The following ZNF76 variants were observed in gnomAD, a reference collection of about 807,000 sequenced individuals.
The protein encoded by ZNF76 is zinc finger protein 523.
ZNF76 carries 66 observed loss-of-function variants against 66.9 expected under a neutral mutation model. That is an observed-to-expected ratio of 0.99 (90% CI 0.81 to 1.21). The LOEUF (loss-of-function observed/expected upper bound fraction) is 1.21. Among genes scored for constraint, ZNF76 ranks in the 50% most tolerant of loss-of-function variants. The pLI is 0.00. For missense variants in ZNF76, 729 were observed against 760.3 expected (o/e 0.96, Z 0.48); for synonymous variants, 275 against 296.1 (o/e 0.93, Z 0.73).
intron 1 of ZNF76, among the ~76,000 whole-genome samples, chr6:35,275,253 C>T (rs1787713892): frequency 1.3e-5 from 2 of 152,134 alleles, no homozygotes; most frequent in Non-Finnish European, 2.9e-5. Context: ...TCTTTTCTCA[C>T]CTTCCGCTCT....
At chr6:35,263,006 C>A (rs1785472841) in intron 1 of ZNF76, among the ~76,000 whole-genome samples, 1 of 152,190 alleles carries the variant, frequency 6.6e-6, no homozygotes, top group African/African-American at 2.4e-5. Context: ...CAATATAAAT[C>A]TCCCTTCCAT....
chr6:35,281,572 A>G (rs1788776572), intron 2 of ZNF76, among the ~76,000 whole-genome samples: 1 of 152,176 alleles, frequency 6.6e-6, no homozygotes, highest in Non-Finnish European at 1.5e-5. Context: ...GCTTTCTAGA[A>G]GCAGTTTATC....
In ZNF76 at chr6:35,284,957, C is replaced by T. The variant is rs149983664; in HGVS notation, c.74-1171C>T. On this transcript the variant is annotated intron_variant, in intron 2 of 13. Transcript: ENST00000373953. ...AACTCCTGAGCTCAAGCGATCCACC[C>T]GCCTTGGCCTCCCAAAGTGTTGGGA... Among the ~76,000 whole-genome samples, 650 of 152,298 alleles carry T rather than the reference C, an allele frequency of 4.3e-3. 28 individuals carry two copies. In the South Asian group the frequency reaches 0.087, roughly 20 times the overall value.
At chr6:35,272,511 GTA>G (rs1276217060) in intron 1 of ZNF76, among the ~76,000 whole-genome samples, 4 of 124,038 alleles carry the variant, frequency 3.2e-5, no homozygotes, top group South Asian at 2.7e-4. Flanking sequence ...GTGTGTGTGT[GTA>G]TGTATATGCA....
At chr6:35,267,391 C>G (rs1786310358) in intron 1 of ZNF76, among the ~76,000 whole-genome samples, 1 of 152,172 alleles carries the variant, frequency 6.6e-6, no homozygotes, top group African/African-American at 2.4e-5. Flanking sequence ...GTCACCACAC[C>G]CAGCCAAAAT....
At chr6:35,263,032 T>G (rs894814246) in intron 1 of ZNF76, among the ~76,000 whole-genome samples, 3 of 152,220 alleles carry the variant, frequency 2.0e-5, no homozygotes, top group Non-Finnish European at 2.9e-5. Context: ...GTCTGCTCCT[T>G]TCTTCCTCCA....
Position 35,292,530 on chromosome 6 carries a change from C to A in ZNF76, c.932-24C>A. The A allele has an allele frequency of 1.9e-6, 3 of 1,611,978 alleles. No individual in the cohort carries two copies. The highest frequency in any genetic ancestry group is 1.1e-5 in the South Asian group (1 of 91,016). On this transcript the variant is annotated intron_variant, in intron 9 of 13. Coordinates refer to ENST00000373953, the MANE Select transcript of ZNF76 (RefSeq NM_003427.5). The surrounding 1 kb of genome is among the most constrained non-coding windows in gnomAD (Gnocchi z 4.7). ...CCCCTTGCCAGCCCCAGTTCCCACCCCCCTCACAGCCCAGTGTCCCCAGGG... is the reference window on the plus strand; with the variant it reads ...CCCCTTGCCAGCCCCAGTTCCCACCACCCTCACAGCCCAGTGTCCCCAGGG...
In ZNF76 at chr6:35,291,649, C is replaced by G; in HGVS notation, c.843C>G (p.Gly281=). ...IRKVHVRTHT[G]ERPYTCPEPH... ...AGGTACATGTGCGCACCCACACAGG[C>G]GAGAGGCCCTACACCTGCCCGGAGC... Residue 281 remains glycine (G), a synonymous_variant, in exon 9 of 14, where the codon GGC becomes GGG. Transcript: ENST00000373953. 6.2e-7 allele frequency: 1 copy of G among 1,613,872 alleles called. No individual in the cohort carries two copies. The highest frequency in any genetic ancestry group is 8.5e-7 in the Non-Finnish European group (1 of 1,179,944).
At chr6:35,277,239 G>A (rs1788050136) in intron 1 of ZNF76, among the ~76,000 whole-genome samples, 2 of 152,228 alleles carry the variant, frequency 1.3e-5, no homozygotes, top group African/African-American at 4.8e-5. Context: ...CAGGAGCAGA[G>A]CTCTTGTGAG....
At position 35,290,362 on chromosome 6, in the gene ZNF76, A is replaced by G; in HGVS notation, c.529A>G (p.Thr177Ala). 2 of 1,614,114 alleles carry G rather than the reference A, an allele frequency of 1.2e-6. No individual in the cohort carries two copies. The highest frequency in any genetic ancestry group is 1.7e-6 in the Non-Finnish European group (2 of 1,179,996). ...CTACAAGGGCTGTGGGCGTCTCTAC[A>G]CCACCGCTCATCACTTAAAGGTAAG... Reference protein sequence around the residue: ...CGYKGCGRLYTTAHHLKVHER... With the variant: ...CGYKGCGRLYATAHHLKVHER... Residue 177 changes from threonine to alanine, a missense_variant, in exon 6 of 14, where the codon ACC (threonine) becomes GCC (alanine). Coordinates refer to ENST00000373953, the MANE Select transcript of ZNF76 (RefSeq NM_003427.5).
chr6:35,295,059 A>C, intron 13 of ZNF76, 85 bp from the exon 14 acceptor site: 1 of 1,106,698 alleles, frequency 9.0e-7, no homozygotes, highest in African/African-American at 1.6e-5. Flanking sequence ...GAGTCAAAAA[A>C]AAAAGTAGGC....
At chr6:35,274,456 C>T (rs1050654910) in intron 1 of ZNF76, among the ~76,000 whole-genome samples, 3 of 152,222 alleles carry the variant, frequency 2.0e-5, no homozygotes, top group African/African-American at 7.2e-5. Flanking sequence ...AGTGGAAAAA[C>T]ACAAAAACCA....
intron 7 of ZNF76, 24 bp from the exon 8 acceptor site, chr6:35,291,248 TCTCACC>T (rs1389310675): frequency 6.3e-7 from 1 of 1,584,326 alleles, no homozygotes; most frequent in South Asian, 1.1e-5. Flanking sequence ...TGGGTGCTCA[TCTCACC>T]CCCTGCCTGC....
At chr6:35,272,010 T>C (rs1380679377) in intron 1 of ZNF76, among the ~76,000 whole-genome samples, 1 of 151,454 alleles carries the variant, frequency 6.6e-6, no homozygotes, top group Non-Finnish European at 1.5e-5. Flanking sequence ...GAGGCTGAGG[T>C]GGGAGGATCG....
At chr6:35,275,612 A>AGT (rs1787779134) in intron 1 of ZNF76, among the ~76,000 whole-genome samples, 2 of 152,198 alleles carry the variant, frequency 1.3e-5, no homozygotes, top group South Asian at 4.1e-4. Context: ...CACCCTCTGC[A>AGT]GTCAGGCTCT....
chr6:35,291,396 C>G lies in ZNF76; in HGVS notation c.744C>G (p.Thr248=), dbSNP rs201590467. ...TSGDLQKHVR[T]HTGERPFQCP... ...GAGACCTGCAGAAGCATGTCCGTAC[C>G]CACACTGGTATGCTGGGCCCTGCCC... Residue 248 remains threonine (T), a synonymous_variant, in exon 8 of 14, where the codon ACC becomes ACG. Coordinates refer to ENST00000373953, the MANE Select transcript of ZNF76 (RefSeq NM_003427.5). The G allele has an allele frequency of 5.6e-6, 9 of 1,614,148 alleles. No homozygotes were observed. In the East Asian group the frequency reaches 1.3e-4, roughly 24 times the overall value.
chr6:35,287,879 C>G lies in ZNF76; in HGVS notation c.432+34C>G. The G allele has an allele frequency of 6.4e-7, 1 of 1,554,582 alleles. No homozygotes were observed. The highest frequency in any genetic ancestry group is 8.7e-7 in the Non-Finnish European group (1 of 1,149,166). On this transcript the variant is annotated intron_variant, in intron 5 of 13. Transcript: ENST00000373953. This position sits in a 1 kb window ranked among gnomAD's most constrained non-coding sequence, Gnocchi z 4.0. ...GCACAGCGTGACACGGTCTGTCACT[C>G]TAGACAACCGGGCCTGGCCTGCGCA...
intron 13 of ZNF76, 151 bp from the exon 14 acceptor site, chr6:35,294,993 C>T: frequency 1.6e-6 from 1 of 623,464 alleles, no homozygotes; most frequent in Non-Finnish European, 2.8e-6. Flanking sequence ...CCGTGAACTT[C>T]ATGTTTATTG....
At chr6:35,281,971 T>G (rs1441584211) in intron 2 of ZNF76, among the ~76,000 whole-genome samples, 1 of 151,096 alleles carries the variant, frequency 6.6e-6, no homozygotes, top group African/African-American at 2.4e-5. Flanking sequence ...CTCTTCCTGA[T>G]TCAGAGAGGA....
Sources: gnomAD v4.1 joint callset for allele counts (sites outside exome capture counted in the v4.1 genomes callset) on GRCh38, gnomAD v4.1.1 for gene constraint, Gnocchi (gnomAD v3.1) non-coding constraint, MANE v1.5 for transcripts, NCBI Gene and HGNC (gene_info 2026-07-23, HGNC 2026-07-21) for gene names.